MYO5B: variants seen among roughly 807,000 people sequenced by gnomAD.
The protein encoded by MYO5B is myosin VB.
In MYO5B, 143 loss-of-function variants were observed where a neutral mutation model predicts 229.3. The ratio of observed to expected loss-of-function variants is 0.62; its 90% CI spans 0.54 to 0.72. The LOEUF (loss-of-function observed/expected upper bound fraction) is 0.72. MYO5B is among the 30% of genes least tolerant of loss of function. MYO5B has a pLI of 0.00. For missense variants in MYO5B, 2,321 were observed against 2,331.0 expected, an observed-to-expected ratio of 1.00 and a Z score of 0.09; for synonymous variants, 918 against 885.2, an observed-to-expected ratio of 1.04 and a Z score of -0.66.
At chr18:49,842,438 T>C (rs532780697) in intron 34 of MYO5B, among the ~76,000 whole-genome samples, 77 of 152,340 alleles carry the variant, frequency 5.1e-4, no homozygotes, top group Non-Finnish European at 1.0e-3. Context: ...GACTCCAGAA[T>C]TGGTTTGGAC....
chr18:49,977,129 C>T (rs918880180), intron 9 of MYO5B, among the ~76,000 whole-genome samples: 1 of 152,118 alleles, frequency 6.6e-6, no homozygotes, highest in African/African-American at 2.4e-5. Flanking sequence ...GGCTTTTAAC[C>T]ACCACAGTGG....
chr18:50,194,741 G>A (rs1241169980), intron 1 of MYO5B, 26 bp downstream of exon 1: 1 of 1,465,102 alleles, frequency 6.8e-7, no homozygotes. Flanking sequence ...CCGGCCCCGG[G>A]GCGCCTCCCT....
intron 1 of MYO5B, among the ~76,000 whole-genome samples, chr18:50,176,754 AAT>A (rs1386595682): frequency 1.3e-5 from 2 of 152,390 alleles, no homozygotes; most frequent in Admixed American, 1.3e-4. Context: ...ATGTGATAGC[AAT>A]CTTACTGTAG....
In MYO5B at chr18:50,015,148, GC is replaced by G. The variant is rs537222638; in HGVS notation, c.456-13738del. Among the ~76,000 whole-genome samples, 248 of 152,338 alleles carry G rather than the reference GC, an allele frequency of 1.6e-3. 2 individuals are homozygous for G. Among genetic ancestry groups the G allele is most frequent in the Middle Eastern group, 6.8e-3 (2 of 294 alleles). ...GGGTTCACGGGACAGGGATCAGGGG[GC>G]TGAAACAAAGACAGAAATGTGTGGG... On this transcript the variant is annotated intron_variant, in intron 4 of 39. Transcript: ENST00000285039.
At chr18:49,958,142 C>T (rs538421174) in intron 12 of MYO5B, among the ~76,000 whole-genome samples, 1 of 152,320 alleles carries the variant, frequency 6.6e-6, no homozygotes, top group South Asian at 2.1e-4. Flanking sequence ...TGAGACCACA[C>T]ATCAACTCAT....
At chr18:49,894,166 T>C (rs531107634) in intron 22 of MYO5B, among the ~76,000 whole-genome samples, 1 of 152,262 alleles carries the variant, frequency 6.6e-6, no homozygotes, top group East Asian at 1.9e-4. Context: ...TCCAACACCC[T>C]GAACACTGGA....
At chr18:50,113,668 C>A (rs1483812884) in intron 1 of MYO5B, among the ~76,000 whole-genome samples, 3 of 152,168 alleles carry the variant, frequency 2.0e-5, no homozygotes, top group African/African-American at 7.2e-5. Context: ...TACTGTGGGG[C>A]CCTGAAGGGT....
intron 27 of MYO5B, among the ~76,000 whole-genome samples, chr18:49,870,171 C>A (rs1259190015): frequency 2.0e-5 from 3 of 152,128 alleles, no homozygotes; most frequent in African/African-American, 7.2e-5. Context: ...TATGACACAC[C>A]CTCCTATGCC....
At chr18:50,035,259 C>T (rs1383790265) in intron 4 of MYO5B, among the ~76,000 whole-genome samples, 1 of 152,184 alleles carries the variant, frequency 6.6e-6, no homozygotes, top group Admixed American at 6.5e-5. Context: ...TTCTGACACA[C>T]CTAAGTGCAA....
At chr18:49,864,061 G>C (rs566876295) in intron 28 of MYO5B, 80 bp downstream of exon 28, 1 of 1,581,924 alleles carries the variant, frequency 6.3e-7, no homozygotes, top group East Asian at 2.2e-5. Context: ...ACCCTCGTGG[G>C]TAAAGATAAT....
intron 14 of MYO5B, among the ~76,000 whole-genome samples, chr18:49,949,170 C>T (rs2025405842): frequency 6.6e-6 from 1 of 152,200 alleles, no homozygotes; most frequent in Non-Finnish European, 1.5e-5. Flanking sequence ...CCAGCACATG[C>T]TGGCACAAAC....
Position 49,844,829 on chromosome 18 carries a change from A to C in MYO5B, c.4460-1437T>G, listed in dbSNP as rs370496112. On this transcript the variant is annotated intron_variant, in intron 33 of 39. Transcript: ENST00000285039. ...TCTTGGAATGTTCTATTGTGATTAAATAAAGCTTGTTTGGGTGCCCCAGCT... is the reference window on the plus strand; with the variant it reads ...TCTTGGAATGTTCTATTGTGATTAACTAAAGCTTGTTTGGGTGCCCCAGCT... 5.3e-5 allele frequency among the ~76,000 whole-genome samples: 8 copies of C among 152,380 alleles called. No homozygotes were observed. The South Asian group carries it at 1.0e-3, about 20-fold the overall frequency.
intron 34 of MYO5B, among the ~76,000 whole-genome samples, chr18:49,842,262 G>A (rs923810623): frequency 6.6e-6 from 1 of 152,224 alleles, no homozygotes; most frequent in Non-Finnish European, 1.5e-5. Flanking sequence ...GCTCACGAAA[G>A]AGGATCAAGG....
At chr18:49,844,724 A>ATTTTGTAGG (rs1437417840) in intron 33 of MYO5B, among the ~76,000 whole-genome samples, 1 of 152,240 alleles carries the variant, frequency 6.6e-6, no homozygotes, top group African/African-American at 2.4e-5. Flanking sequence ...AGGAAAATGT[A>ATTTTGTAGG]TTTTGTAGGC....
At chr18:50,100,867 T>A (rs1599020646) in intron 1 of MYO5B, among the ~76,000 whole-genome samples, 1 of 152,172 alleles carries the variant, frequency 6.6e-6, no homozygotes. Flanking sequence ...GCCAGCAGCA[T>A]CACCCGAAAC....
At chr18:50,165,533 T>C (rs2032835526) in intron 1 of MYO5B, among the ~76,000 whole-genome samples, 1 of 152,142 alleles carries the variant, frequency 6.6e-6, no homozygotes, top group South Asian at 2.1e-4. Context: ...CCCATGACTT[T>C]GGGAGGCCAA....
intron 18 of MYO5B, among the ~76,000 whole-genome samples, chr18:49,909,908 T>C (rs2024939194): frequency 6.6e-6 from 1 of 152,144 alleles, no homozygotes; most frequent in African/African-American, 2.4e-5. Flanking sequence ...AAATATTAGG[T>C]AGGCTCCCCC....
chr18:49,951,682 C>A (rs2025432416), intron 14 of MYO5B, among the ~76,000 whole-genome samples: 1 of 152,052 alleles, frequency 6.6e-6, no homozygotes, highest in South Asian at 2.1e-4. Flanking sequence ...TGAAAAGTAC[C>A]CACCTCTCTT....
At chr18:50,184,107 G>A (rs1417241550) in intron 1 of MYO5B, among the ~76,000 whole-genome samples, 2 of 152,172 alleles carry the variant, frequency 1.3e-5, no homozygotes, top group Admixed American at 6.5e-5. Flanking sequence ...AATGGACTAA[G>A]ACAGTGTACT....
Sources: gnomAD v4.1 joint callset for allele counts (sites outside exome capture counted in the v4.1 genomes callset) on GRCh38, gnomAD v4.1.1 for gene constraint, MANE v1.5 for transcripts, NCBI Gene and HGNC (gene_info 2026-07-23, HGNC 2026-07-21) for gene names.